Variants in GSTCD observed in about 807,000 individuals in gnomAD.
The protein encoded by GSTCD is glutathione S-transferase C-terminal domain containing, also known as glutathione S-transferase C-terminal domain-containing protein.
In GSTCD, 44 loss-of-function variants were observed where a neutral mutation model predicts 68.3. That is an observed-to-expected ratio of 0.64 (90% CI 0.51 to 0.83). The LOEUF (loss-of-function observed/expected upper bound fraction) is 0.83, where lower values mean the gene tolerates loss of function less well. Among genes scored for constraint, GSTCD ranks in the 40% least tolerant of loss-of-function variants. GSTCD has a pLI of 0.00. For missense variants in GSTCD, 739 were observed against 735.9 expected, an observed-to-expected ratio of 1.00 and a Z score of -0.05; for synonymous variants, 273 against 255.2, an observed-to-expected ratio of 1.07 and a Z score of -0.67.
intron 5 of GSTCD, among the ~76,000 whole-genome samples, chr4:105,778,235 A>G (rs1434617012): frequency 5.3e-5 from 8 of 152,186 alleles, no homozygotes. Flanking sequence ...GCATTGGCAT[A>G]GTAAGAATAT....
At chr4:105,781,825 A>G (rs1166271187) in intron 5 of GSTCD, among the ~76,000 whole-genome samples, 3 of 151,076 alleles carry the variant, frequency 2.0e-5, no homozygotes, top group Non-Finnish European at 4.4e-5. Flanking sequence ...TAACAAAGAT[A>G]ATGCGGGTTT....
intron 5 of GSTCD, among the ~76,000 whole-genome samples, chr4:105,766,106 CG>C (rs1241726487): frequency 6.6e-6 from 1 of 152,008 alleles, no homozygotes; most frequent in African/African-American, 2.4e-5. Flanking sequence ...TAATTTAATA[CG>C]GGATATTAAA....
intron 5 of GSTCD, among the ~76,000 whole-genome samples, chr4:105,808,671 T>C (rs1722626890): frequency 6.6e-6 from 1 of 152,138 alleles, no homozygotes; most frequent in South Asian, 2.1e-4. Flanking sequence ...TCCTCCCTTA[T>C]TTGCAGTTTC....
At chr4:105,775,473 T>A (rs1299378230) in intron 5 of GSTCD, among the ~76,000 whole-genome samples, 3 of 152,246 alleles carry the variant, frequency 2.0e-5, no homozygotes, top group Non-Finnish European at 4.4e-5. Flanking sequence ...TTTTTCATCA[T>A]CTTCGTGGAT....
chr4:105,723,580 A>G (rs1732938885), intron 3 of GSTCD, among the ~76,000 whole-genome samples: 6 of 151,828 alleles, frequency 4.0e-5, no homozygotes, highest in Admixed American at 3.9e-4. Context: ...TATCAAGGAC[A>G]TGAGTATGAG....
At chr4:105,830,254 A>T (rs1723840370) in intron 8 of GSTCD, among the ~76,000 whole-genome samples, 1 of 152,214 alleles carries the variant, frequency 6.6e-6, no homozygotes, top group Non-Finnish European at 1.5e-5. Context: ...GGAAAAAAAA[A>T]TAGTGATATA....
intron 10 of GSTCD, among the ~76,000 whole-genome samples, chr4:105,841,674 G>GAA (rs35198239): frequency 2.9e-4 from 44 of 150,210 alleles, no homozygotes; most frequent in African/African-American, 5.1e-4. Context: ...CGTTTCTATT[G>GAA]AAAAAAAAAT....
intron 5 of GSTCD, among the ~76,000 whole-genome samples, chr4:105,767,981 A>G (rs999252079): frequency 6.6e-6 from 1 of 152,024 alleles, no homozygotes. Context: ...CTTTTAACTT[A>G]AAAACATTTT....
At chr4:105,812,938 T>G (rs756291121) in intron 5 of GSTCD, among the ~76,000 whole-genome samples, 13 of 152,206 alleles carry the variant, frequency 8.5e-5, no homozygotes, top group Non-Finnish European at 1.8e-4. Flanking sequence ...CAGTAAGCTT[T>G]ACTACTATTT....
At chr4:105,809,842 A>C (rs1386014555) in intron 5 of GSTCD, among the ~76,000 whole-genome samples, 2 of 151,908 alleles carry the variant, frequency 1.3e-5, no homozygotes, top group African/African-American at 4.8e-5. Context: ...GTCTCAAAGT[A>C]TACTGCAGTG....
rs891750363 is a variant in GSTCD at position 105,846,781 on chromosome 4, G to T, written c.*1204G>T. 5 of 145,888 alleles carry T rather than the reference G, an allele frequency of 3.4e-5. No homozygotes were observed. The highest frequency in any genetic ancestry group is 1.4e-4 in the Admixed American group (2 of 14,030). 9.0% of individuals were successfully genotyped at this position (145,888 alleles called of 1,614,324 possible). On this transcript the variant is annotated 3_prime_UTR_variant, in exon 12 of 12. Coordinates refer to ENST00000515279, the MANE Select transcript of GSTCD (RefSeq NM_001370181.1). ...CTGCATTCTCCTGCCTCAGCCTCCC[G>T]AGTAGCTAGGATTATAGGCACCTGC...
intron 9 of GSTCD, among the ~76,000 whole-genome samples, chr4:105,835,220 C>T (rs916418840): frequency 6.6e-6 from 1 of 152,130 alleles, no homozygotes; most frequent in African/African-American, 2.4e-5. Flanking sequence ...GTTGGTGGAG[C>T]GTTTGCCTGA....
In GSTCD at chr4:105,780,434, T is replaced by C. The variant is rs115553530; in HGVS notation, c.1241-42520T>C. On this transcript the variant is annotated intron_variant, in intron 5 of 11. Transcript: ENST00000515279. ...TGTATCTGGCTAGCAACCAGATTGA[T>C]AGAATAAAGCTTACAGGAAATTTTA... 9.8e-3 allele frequency among the ~76,000 whole-genome samples: 1,487 copies of C among 152,334 alleles called. 9 individuals carry two copies. Among genetic ancestry groups the C allele is most frequent in the Non-Finnish European group, 0.016 (1,081 of 68,008 alleles).
chr4:105,763,586 G>A (rs1195055486), intron 5 of GSTCD, among the ~76,000 whole-genome samples: 1 of 152,114 alleles, frequency 6.6e-6, no homozygotes. Flanking sequence ...GCCCTTATGT[G>A]TCCACAAGCA....
Position 105,845,757 on chromosome 4 carries a change from C to T in GSTCD, c.*180C>T. ...GGCTCCCTGCAAAGCATCACAAATG[C>T]TTTACAATGTGTGATTAAAGGACTG... is the stretch of plus-strand genomic sequence containing the variant. On this transcript the variant is annotated 3_prime_UTR_variant, in exon 12 of 12. Transcript: ENST00000515279. 3.3e-6 allele frequency: 2 copies of T among 602,948 alleles called. No homozygotes were observed. The highest frequency in any genetic ancestry group is 2.8e-5 in the East Asian group (1 of 35,718). The allele number at this position is 602,948 out of a possible 1,614,324, so 37.3% of individuals were successfully genotyped here.
intron 5 of GSTCD, among the ~76,000 whole-genome samples, chr4:105,769,272 CA>C (rs1426563092): frequency 3.8e-5 from 5 of 132,960 alleles, no homozygotes; most frequent in African/African-American, 8.0e-5. Context: ...CACACACACA[CA>C]CCACTTTTCC....
At chr4:105,719,661 A>G (rs1732800955) in intron 3 of GSTCD, 134 bp downstream of exon 3, 2 of 665,300 alleles carry the variant, frequency 3.0e-6, no homozygotes, top group Non-Finnish European at 5.2e-6. Context: ...CCATTTTCTT[A>G]TCTGTAAAAT....
At chr4:105,815,629 C>G (rs1474644650) in intron 5 of GSTCD, among the ~76,000 whole-genome samples, 1 of 152,162 alleles carries the variant, frequency 6.6e-6, no homozygotes, top group African/African-American at 2.4e-5. Context: ...GGCATCATTT[C>G]AGACTACTAC....
At chr4:105,787,420 A>C (rs1288826345) in intron 5 of GSTCD, among the ~76,000 whole-genome samples, 1 of 152,106 alleles carries the variant, frequency 6.6e-6, no homozygotes, top group East Asian at 1.9e-4. Flanking sequence ...ACATATTTTA[A>C]GGCCCCACCT....
Sources: allele counts gnomAD v4.1 joint callset (sites outside exome capture counted in the v4.1 genomes callset), GRCh38; gene constraint gnomAD v4.1.1; transcripts MANE v1.5; gene names NCBI Gene and HGNC (gene_info 2026-07-23, HGNC 2026-07-21).